Variants in NAALADL2 observed in about 807,000 individuals in gnomAD.
NAALADL2 encodes N-acetylated alpha-linked acidic dipeptidase like 2.
A neutral mutation model predicts 87.2 loss-of-function variants in NAALADL2; 76 were observed. The ratio of observed to expected loss-of-function variants is 0.87; its 90% CI spans 0.72 to 1.05. The LOEUF (loss-of-function observed/expected upper bound fraction) is 1.05. Ranked by LOEUF, NAALADL2 falls within the 50% of genes least tolerant of loss-of-function variation. The pLI is 0.00. For missense variants in NAALADL2, 1,089 were observed against 945.8 expected (o/e 1.15, Z -1.99); for synonymous variants, 354 against 331.0 (o/e 1.07, Z -0.75).
intron 1 of NAALADL2, among the ~76,000 whole-genome samples, chr3:175,084,616 TA>T (rs375742927): frequency 3.7e-4 from 57 of 152,324 alleles, no homozygotes; most frequent in African/African-American, 1.3e-3. Context: ...TGATTTCTCT[TA>T]AGGTATATAT....
intron 2 of NAALADL2, among the ~76,000 whole-genome samples, chr3:174,602,782 T>G (rs913846832): frequency 1.3e-5 from 2 of 152,044 alleles, no homozygotes; most frequent in African/African-American, 2.4e-5. Flanking sequence ...TTGCTTTTCT[T>G]ATGTTGAAGT....
chr3:175,489,070 T>C (rs142867082), intron 9 of NAALADL2, among the ~76,000 whole-genome samples: 1 of 152,278 alleles, frequency 6.6e-6, no homozygotes, highest in East Asian at 1.9e-4. Flanking sequence ...AAAAATTACG[T>C]TTATCAAAGT....
At chr3:174,907,152 A>T (rs1055448027) in intron 1 of NAALADL2, among the ~76,000 whole-genome samples, 1 of 152,120 alleles carries the variant, frequency 6.6e-6, no homozygotes. Context: ...CAGCAGAATT[A>T]CCTTTCTAGT....
rs1319081827 is a variant in NAALADL2, at chr3:175,755,333, C to T, written c.2104C>T (p.Pro702Ser). ...TGCTAATGATCCCAAGGAGAGAGCA[C>T]CCATCCGCATCCGGATGCTGAATGA... ...RPANDPKERAPIRIRMLNDIL... is the reference protein window; with the variant it reads ...RPANDPKERASIRIRMLNDIL... Residue 702 changes from proline (P) to serine (S), a missense_variant, in exon 13 of 14, where the codon CCC (proline) becomes TCC (serine). Coordinates refer to ENST00000454872, the MANE Select transcript of NAALADL2 (RefSeq NM_207015.3). The T allele has an allele frequency of 1.2e-6, 2 of 1,613,334 alleles. No individual in the cohort carries two copies. The highest frequency in any genetic ancestry group is 2.2e-5 in the East Asian group (1 of 44,858).
At chr3:175,087,273 G>A (rs535205846) in intron 1 of NAALADL2, among the ~76,000 whole-genome samples, 13 of 152,122 alleles carry the variant, frequency 8.5e-5, no homozygotes, top group South Asian at 2.1e-4. Flanking sequence ...TGCCCTGCCC[G>A]GGAGGGAGGT....
chr3:175,210,941 C>T (rs962127117), intron 2 of NAALADL2, among the ~76,000 whole-genome samples: 4 of 151,748 alleles, frequency 2.6e-5, no homozygotes, highest in Non-Finnish European at 5.9e-5. Flanking sequence ...TTCATACTTA[C>T]TATATTTGAC....
chr3:174,776,210 T>C (rs1269713188), intron 3 of NAALADL2, among the ~76,000 whole-genome samples: 2 of 152,112 alleles, frequency 1.3e-5, no homozygotes, highest in East Asian at 3.9e-4. Context: ...AACAGCCCAA[T>C]ACCTCCCTAA....
At chr3:175,067,319 G>A (rs1400263998) in intron 1 of NAALADL2, among the ~76,000 whole-genome samples, 1 of 152,064 alleles carries the variant, frequency 6.6e-6, no homozygotes, top group Non-Finnish European at 1.5e-5. Context: ...CCTACAGAAT[G>A]GGAGAATGTA....
At chr3:174,550,358 A>G (rs1711973002) in intron 1 of NAALADL2, among the ~76,000 whole-genome samples, 1 of 152,000 alleles carries the variant, frequency 6.6e-6, no homozygotes, top group Non-Finnish European at 1.5e-5. Flanking sequence ...ATATTGGTAT[A>G]GTATCTAGAC....
chr3:175,075,830 G>A (rs754045606), intron 1 of NAALADL2, among the ~76,000 whole-genome samples: 41 of 151,996 alleles, frequency 2.7e-4, no homozygotes, highest in Non-Finnish European at 5.1e-4. Flanking sequence ...AACTACGAAC[G>A]CACAGATATT....
chr3:175,354,151 A>C (rs1178133242), intron 5 of NAALADL2, among the ~76,000 whole-genome samples: 3 of 152,146 alleles, frequency 2.0e-5, no homozygotes, highest in African/African-American at 7.2e-5. Context: ...TTTAATTTTA[A>C]AGAAAGTTAT....
intron 5 of NAALADL2, among the ~76,000 whole-genome samples, chr3:175,380,740 A>T (rs1385631077): frequency 6.6e-6 from 1 of 152,148 alleles, no homozygotes; most frequent in African/African-American, 2.4e-5. Flanking sequence ...AACTGCAAAA[A>T]ATATACTGTC....
intron 3 of NAALADL2, among the ~76,000 whole-genome samples, chr3:174,801,320 C>A (rs1462319344): frequency 3.9e-5 from 6 of 152,144 alleles, no homozygotes; most frequent in African/African-American, 1.4e-4. Context: ...CTCATGAGAT[C>A]TGATGGTTTG....
At chr3:174,675,510 A>G (rs1726962863) in intron 2 of NAALADL2, among the ~76,000 whole-genome samples, 1 of 152,118 alleles carries the variant, frequency 6.6e-6, no homozygotes, top group African/African-American at 2.4e-5. Context: ...TTGTGTGCTC[A>G]CAGCAAATAC....
At chr3:174,848,823 G>T (rs561743522) in intron 3 of NAALADL2, among the ~76,000 whole-genome samples, 2 of 152,256 alleles carry the variant, frequency 1.3e-5, no homozygotes, top group South Asian at 4.2e-4. Context: ...AAACATTATA[G>T]AGTATAAAAA....
At chr3:175,802,936 T>G in intron 13 of NAALADL2, 69 bp from the exon 14 acceptor site, 1 of 976,514 alleles carries the variant, frequency 1.0e-6, no homozygotes. Context: ...TTAGAAATAT[T>G]CATTCCAACG....
At chr3:175,435,683 A>G (rs1245726079) in intron 5 of NAALADL2, among the ~76,000 whole-genome samples, 1 of 152,046 alleles carries the variant, frequency 6.6e-6, no homozygotes, top group Admixed American at 6.6e-5. Context: ...TAACCAATAT[A>G]AATCTTGAGT....
At chr3:174,586,143 C>T (rs535521871) in intron 2 of NAALADL2, among the ~76,000 whole-genome samples, 2 of 152,092 alleles carry the variant, frequency 1.3e-5, no homozygotes, top group African/African-American at 2.4e-5. Flanking sequence ...CTGAAAATTT[C>T]AACGGATATT....
intron 1 of NAALADL2, among the ~76,000 whole-genome samples, chr3:174,979,083 C>CAG (rs773544837): frequency 2.8e-4 from 42 of 152,150 alleles, no homozygotes; most frequent in Non-Finnish European, 4.4e-4. Context: ...AAAAGGAAAG[C>CAG]TTTAAGACAG....
Sources: allele counts gnomAD v4.1 joint callset (sites outside exome capture counted in the v4.1 genomes callset), GRCh38; gene constraint gnomAD v4.1.1; transcripts MANE v1.5; gene names NCBI Gene and HGNC (gene_info 2026-07-23, HGNC 2026-07-21).